The following ATG13 variants were observed in gnomAD, a reference collection of about 807,000 sequenced individuals.
The protein encoded by ATG13 is autophagy-related protein 13.
In ATG13, 23 loss-of-function variants were observed where a neutral mutation model predicts 65.5. The ratio of observed to expected loss-of-function variants is 0.35; its 90% CI spans 0.25 to 0.50. ATG13 has a LOEUF of 0.50. Among genes scored for constraint, ATG13 ranks in the 20% least tolerant of loss-of-function variants. The pLI is 0.98. For synonymous variants in ATG13, 252 were observed against 245.2 expected, an observed-to-expected ratio of 1.03 and a Z score of -0.26; for missense variants, 566 against 677.0, an observed-to-expected ratio of 0.84 and a Z score of 1.82.
chr11:46,657,737 T>C, intron 10 of ATG13, 115 bp downstream of exon 10: 2 of 897,230 alleles, frequency 2.2e-6, no homozygotes, highest in Non-Finnish European at 1.7e-6. Context: ...AGGGGGCCAC[T>C]GATGGAGACC....
intron 7 of ATG13, among the ~76,000 whole-genome samples, chr11:46,653,961 T>C (rs1185620178): frequency 1.3e-5 from 2 of 152,066 alleles, no homozygotes; most frequent in African/African-American, 4.8e-5. Flanking sequence ...AATATGAAAA[T>C]AGATTTTAGG....
Position 46,650,200 on chromosome 11 carries a change from C to T in ATG13, c.341C>T (p.Ser114Phe). ...AGGTGTGATAAAGAAATCAAAGTTT[C>T]CTACACGGTGTACAACAGACTGTCA... ...NEKCDKEIKV[S>F]YTVYNRLSLL... Residue 114 changes from serine (S) to phenylalanine (F), a missense_variant, in exon 7 of 19, where the codon TCC becomes TTC. Ser to Phe is a radical substitution (Grantham distance 155). Transcript: ENST00000683050. 6.2e-7 allele frequency: 1 copy of T among 1,613,966 alleles called. No individual in the cohort carries two copies. The highest frequency in any genetic ancestry group is 8.5e-7 in the Non-Finnish European group (1 of 1,179,928).
At chr11:46,662,419 A>C (rs147640345) in intron 11 of ATG13, among the ~76,000 whole-genome samples, 39 of 152,352 alleles carry the variant, frequency 2.6e-4, no homozygotes, top group Admixed American at 9.1e-4. Context: ...AGTTGAACCT[A>C]AAAGTAAATG....
intron 1 of ATG13, among the ~76,000 whole-genome samples, chr11:46,622,267 A>G (rs1458217880): frequency 1.3e-5 from 2 of 151,106 alleles, no homozygotes; most frequent in Non-Finnish European, 3.0e-5. Flanking sequence ...ACAGGCGCCC[A>G]CTACCATGCC....
chr11:46,645,790 G>A, intron 4 of ATG13, 80 bp from the exon 5 acceptor site: 1 of 1,563,352 alleles, frequency 6.4e-7, no homozygotes, highest in Non-Finnish European at 8.7e-7. Context: ...AGCAATACTT[G>A]CATTACCCAG....
Position 46,668,908 on chromosome 11 carries a change from T to C in ATG13, c.1444T>C (p.Phe482Leu), listed in dbSNP as rs375680732. 7.4e-6 allele frequency: 12 copies of C among 1,611,336 alleles called. No individual in the cohort carries two copies. In the African/African-American group the frequency reaches 1.5e-4, roughly 20 times the overall value. Residue 482 changes from phenylalanine to leucine, a missense_variant and splice_region_variant, in exon 17 of 19, where the codon TTT becomes CTT. Phe to Leu is a conservative substitution (Grantham distance 22, BLOSUM62 0). Coordinates refer to ENST00000683050, the MANE Select transcript of ATG13 (RefSeq NM_001346311.2). ...NTHDDFVMIDFKPAFSKDDIL... is the reference protein window; with the variant it reads ...NTHDDFVMIDLKPAFSKDDIL... ...CCATGATGACTTTGTTATGATAGAC[T>C]TTGTAAGTCGCCGTCACCTTCCTTG...
chr11:46,667,287 C>T lies in ATG13; in HGVS notation c.1137-486C>T, dbSNP rs187244737. Among the ~76,000 whole-genome samples, 43 of 152,258 alleles carry T rather than the reference C, an allele frequency of 2.8e-4. 1 individual carries two copies. Among genetic ancestry groups the T allele is most frequent in the Admixed American group, 2.8e-3 (43 of 15,296 alleles). On this transcript the variant is annotated intron_variant, in intron 14 of 18. Transcript: ENST00000683050. ...TGACTGCTGGTTTGGCAGCCACAGCCATGGGCCCCCACTGCTGCTGCTTAG... is the reference window on the plus strand; with the variant it reads ...TGACTGCTGGTTTGGCAGCCACAGCTATGGGCCCCCACTGCTGCTGCTTAG...
intron 4 of ATG13, among the ~76,000 whole-genome samples, 191 bp from the exon 5 acceptor site, chr11:46,645,679 A>G (rs2057338109): frequency 1.3e-5 from 2 of 152,188 alleles, no homozygotes; most frequent in South Asian, 4.1e-4. Flanking sequence ...AATTTTTGTA[A>G]TGATAATTAC....
rs138408466 is a variant in ATG13, at chr11:46,673,593, C to T, written c.*1261C>T. ...TTTCCTCCTGCTTGGGCCTAGCTAC[C>T]ATCTCCCTCTAATCCCAGGTTCTCT... On this transcript the variant is annotated 3_prime_UTR_variant, in exon 19 of 19. Coordinates refer to ENST00000683050, the MANE Select transcript of ATG13 (RefSeq NM_001346311.2). 68 of 152,154 alleles carry T rather than the reference C, an allele frequency of 4.5e-4. 1 individual carries two copies. Among genetic ancestry groups the T allele is most frequent in the South Asian group, 2.1e-3 (10 of 4,818 alleles). 9.4% of individuals were successfully genotyped at this position (152,154 alleles called of 1,614,324 possible). A position where few individuals can be genotyped will look rare whatever the true frequency, so the allele number is the denominator to read the frequency against.
chr11:46,647,380 C>T (rs189427221), intron 5 of ATG13, among the ~76,000 whole-genome samples: 12 of 150,404 alleles, frequency 8.0e-5, no homozygotes, highest in East Asian at 2.0e-4. Flanking sequence ...CAGGTTCAAG[C>T]GATTCTCGTG....
rs748737180 is a variant in ATG13, at chr11:46,649,089, A to C, written c.271-48A>C. On this transcript the variant is annotated intron_variant, in intron 5 of 18. Transcript: ENST00000683050. Reference sequence around the variant, plus strand: ...TTTTTATAGTGACTGTAATGCTTTGAAATTAAAAATTTTTTAAACAAATAT... The same window carrying C: ...TTTTTATAGTGACTGTAATGCTTTGCAATTAAAAATTTTTTAAACAAATAT... The C allele has an allele frequency of 2.6e-6, 4 of 1,551,216 alleles. No homozygotes were observed. The South Asian group carries it at 3.5e-5, about 14-fold the overall frequency.
At chr11:46,634,104 TC>T (rs1230694356) in intron 2 of ATG13, among the ~76,000 whole-genome samples, 2 of 151,934 alleles carry the variant, frequency 1.3e-5, no homozygotes, top group Non-Finnish European at 2.9e-5. Flanking sequence ...ATTTTTTTTT[TC>T]TTTTTTTTTG....
chr11:46,646,383 T>C (rs1010959389), intron 5 of ATG13, among the ~76,000 whole-genome samples: 2 of 152,134 alleles, frequency 1.3e-5, no homozygotes, highest in Non-Finnish European at 2.9e-5. Context: ...TTCCTGACCT[T>C]GTGATCCGCC....
chr11:46,662,527 CTT>C (rs2061410001), intron 11 of ATG13, among the ~76,000 whole-genome samples: 1 of 152,116 alleles, frequency 6.6e-6, no homozygotes. Context: ...CTTATTGTGT[CTT>C]ATTGCAATTT....
intron 2 of ATG13, among the ~76,000 whole-genome samples, chr11:46,631,765 GCTA>G (rs2051826313): frequency 6.6e-6 from 1 of 152,048 alleles, no homozygotes; most frequent in Admixed American, 6.6e-5. Context: ...TGTGGTCTCA[GCTA>G]CTTGAGAGGC....
At chr11:46,639,501 T>C (rs560115176) in intron 2 of ATG13, among the ~76,000 whole-genome samples, 1 of 152,238 alleles carries the variant, frequency 6.6e-6, no homozygotes, top group East Asian at 1.9e-4. Context: ...TATATATATA[T>C]ATATTGCCCA....
At chr11:46,631,442 T>A (rs952111873) in intron 2 of ATG13, among the ~76,000 whole-genome samples, 7 of 152,218 alleles carry the variant, frequency 4.6e-5, no homozygotes, top group African/African-American at 1.7e-4. Flanking sequence ...TGTTTTCCAT[T>A]CGTTCATTAT....
chr11:46,663,966 T>TTA, intron 11 of ATG13, 31 bp from the exon 12 acceptor site: 1 of 1,289,946 alleles, frequency 7.8e-7, no homozygotes, highest in South Asian at 1.4e-5. Context: ...TTTTTTTTGT[T>TTA]TCTCCTGTCT....
In ATG13 at chr11:46,670,090, C is replaced by T. The variant is rs531888299; in HGVS notation, c.1575+558C>T. Among the ~76,000 whole-genome samples, 12 of 152,262 alleles carry T rather than the reference C, an allele frequency of 7.9e-5. No individual in the cohort carries two copies. The South Asian group carries it at 2.5e-3, about 32-fold the overall frequency. Reference sequence around the variant, plus strand: ...CTGGGTGCCCCATGCCAGGAGATGTCCCTCTTTGAGGTGGAATGATCACCT... The same window carrying T: ...CTGGGTGCCCCATGCCAGGAGATGTTCCTCTTTGAGGTGGAATGATCACCT... On this transcript the variant is annotated intron_variant, in intron 18 of 18. Coordinates refer to ENST00000683050, the MANE Select transcript of ATG13 (RefSeq NM_001346311.2).
Sources: allele counts gnomAD v4.1 joint callset (sites outside exome capture counted in the v4.1 genomes callset), GRCh38; gene constraint gnomAD v4.1.1; transcripts MANE v1.5; gene names NCBI Gene and HGNC (gene_info 2026-07-23, HGNC 2026-07-21).